RAPGEF4: variants seen among roughly 807,000 people sequenced by gnomAD.
RAPGEF4 encodes RAP guanine-nucleotide-exchange factor (GEF) 4.
A neutral mutation model predicts 147.9 loss-of-function variants in RAPGEF4; 66 were observed. The observed-to-expected ratio is 0.45, with a 90% CI of 0.37 to 0.55. RAPGEF4 has a LOEUF of 0.55. Among genes scored for constraint, RAPGEF4 ranks in the 20% least tolerant of loss-of-function variants. The probability of loss-of-function intolerance (pLI) is 0.00; values close to 1 mark genes in which losing one functional copy is unlikely to be tolerated. For missense variants in RAPGEF4, 1,071 were observed against 1,257.3 expected (o/e 0.85, Z 2.24); for synonymous variants, 419 against 442.7 (o/e 0.95, Z 0.67).
intron 1 of RAPGEF4, chr2:172,736,338 C>A: frequency 3.7e-6 from 1 of 270,156 alleles, no homozygotes; most frequent in Non-Finnish European, 6.9e-6. Flanking sequence ...ACTCCAGGCT[C>A]CGCTCCTGGG....
chr2:172,877,164 C>T (rs1382860848), intron 4 of RAPGEF4, among the ~76,000 whole-genome samples: 1 of 152,126 alleles, frequency 6.6e-6, no homozygotes, highest in African/African-American at 2.4e-5. Flanking sequence ...CATATATACA[C>T]CATGGAATAC....
At chr2:172,974,414 T>TG (rs1353852646) in intron 10 of RAPGEF4, among the ~76,000 whole-genome samples, 2 of 152,210 alleles carry the variant, frequency 1.3e-5, no homozygotes, top group Non-Finnish European at 2.9e-5. Context: ...CTGGGTGTGG[T>TG]GGTTCATACC....
intron 6 of RAPGEF4, among the ~76,000 whole-genome samples, chr2:172,950,056 A>G (rs1307752182): frequency 6.6e-6 from 1 of 152,198 alleles, no homozygotes; most frequent in African/African-American, 2.4e-5. Context: ...TTTGTTCTCT[A>G]TACTTAGGTT....
chr2:172,965,846 T>C (rs573001066), intron 9 of RAPGEF4, among the ~76,000 whole-genome samples, 163 bp downstream of exon 9: 4 of 152,344 alleles, frequency 2.6e-5, no homozygotes, highest in Non-Finnish European at 5.9e-5. Context: ...AGCAAGTAGA[T>C]GCTATTGATT....
intron 1 of RAPGEF4, among the ~76,000 whole-genome samples, chr2:172,740,064 T>C (rs1694172638): frequency 6.6e-6 from 1 of 152,248 alleles, no homozygotes; most frequent in Admixed American, 6.5e-5. Context: ...TTACATATTG[T>C]CTACAGCTGC....
chr2:172,816,789 G>T lies in RAPGEF4; in HGVS notation c.444+2364G>T, dbSNP rs1688557327. Among the ~76,000 whole-genome samples the T allele has an allele frequency of 2.0e-5, 3 of 152,196 alleles. No individual in the cohort carries two copies. In the South Asian group the frequency reaches 6.2e-4, roughly 32 times the overall value. On this transcript the variant is annotated intron_variant, in intron 4 of 30. Coordinates refer to ENST00000397081, the MANE Select transcript of RAPGEF4 (RefSeq NM_007023.4). The stretch of plus-strand genomic sequence containing the variant: ...GAGCCATTTGGAATTGACAGGAGTG[G>T]ATAGTTTTTAGTCTGACCTCTTTTA...
intron 8 of RAPGEF4, 151 bp downstream of exon 8, chr2:172,961,379 C>T (rs1225653172): frequency 3.3e-6 from 2 of 600,670 alleles, no homozygotes; most frequent in African/African-American, 3.7e-5. Flanking sequence ...TACATCTCAG[C>T]TTAACTGCAG....
At chr2:172,899,112 G>A (rs1698810237) in intron 4 of RAPGEF4, among the ~76,000 whole-genome samples, 1 of 152,158 alleles carries the variant, frequency 6.6e-6, no homozygotes, top group African/African-American at 2.4e-5. Context: ...TACAAATACT[G>A]AAAAACACAC....
chr2:173,035,436 G>A (rs572899673), intron 27 of RAPGEF4, among the ~76,000 whole-genome samples: 1 of 151,640 alleles, frequency 6.6e-6, no homozygotes, highest in African/African-American at 2.4e-5. Flanking sequence ...GCGTGAACTC[G>A]GGAGGCAGAG....
At chr2:172,958,381 C>A (rs1354829460) in intron 6 of RAPGEF4, among the ~76,000 whole-genome samples, 2 of 152,212 alleles carry the variant, frequency 1.3e-5, no homozygotes, top group Non-Finnish European at 2.9e-5. Context: ...GAACTCACAA[C>A]TTAGAAATAT....
intron 23 of RAPGEF4, among the ~76,000 whole-genome samples, chr2:173,025,531 C>T (rs1696578088): frequency 6.6e-6 from 1 of 152,220 alleles, no homozygotes; most frequent in South Asian, 2.1e-4. Flanking sequence ...CAACCTCTGC[C>T]TCCTGGGTTT....
chr2:173,007,969 C>G (rs575450377), intron 17 of RAPGEF4, among the ~76,000 whole-genome samples: 1 of 152,324 alleles, frequency 6.6e-6, no homozygotes, highest in South Asian at 2.1e-4. Context: ...TACGGTCTGG[C>G]TCTATGTCCC....
chr2:173,017,173 G>C lies in RAPGEF4; in HGVS notation c.1899-1G>C. ...TAATGTGCTTTCTCTACTTCTCGTA[G>C]CTCAGAAGATGCAAAGGCACCACAA... is the stretch of plus-strand genomic sequence containing the variant. On this transcript the variant is annotated splice_acceptor_variant, in intron 19 of 30. Coordinates refer to ENST00000397081, the MANE Select transcript of RAPGEF4 (RefSeq NM_007023.4). LOFTEE classifies it high-confidence loss of function. The C allele has an allele frequency of 6.2e-7, 1 of 1,613,208 alleles. No individual in the cohort carries two copies. Among genetic ancestry groups the C allele is most frequent in the Non-Finnish European group, 8.5e-7 (1 of 1,179,174 alleles).
chr2:172,987,016 GA>G, intron 12 of RAPGEF4, among the ~76,000 whole-genome samples: 1 of 152,060 alleles, frequency 6.6e-6, no homozygotes. Context: ...ATTTTCTAAA[GA>G]ATTAAATTAT....
intron 17 of RAPGEF4, among the ~76,000 whole-genome samples, chr2:173,002,439 A>T (rs956478567): frequency 6.6e-6 from 1 of 152,164 alleles, no homozygotes; most frequent in Non-Finnish European, 1.5e-5. Context: ...ATTCTCAGAA[A>T]ATGGGAGTGG....
intron 1 of RAPGEF4, among the ~76,000 whole-genome samples, chr2:172,777,980 T>G (rs1015272878): frequency 1.3e-5 from 2 of 152,142 alleles, no homozygotes; most frequent in Non-Finnish European, 2.9e-5. Flanking sequence ...TATAGTGATA[T>G]AATATAATTT....
chr2:173,027,284 G>A (rs1559196310), intron 25 of RAPGEF4, 25 bp downstream of exon 25: 4 of 1,505,494 alleles, frequency 2.7e-6, no homozygotes, highest in Admixed American at 2.3e-5. Flanking sequence ...CTTGGAAAGA[G>A]AAAAAAAAAT....
chr2:172,942,658 A>G (rs921575364), intron 6 of RAPGEF4, among the ~76,000 whole-genome samples: 2 of 152,092 alleles, frequency 1.3e-5, no homozygotes, highest in African/African-American at 4.8e-5. Flanking sequence ...GCTCTGTCAC[A>G]GCATGGTCCA....
intron 4 of RAPGEF4, among the ~76,000 whole-genome samples, chr2:172,828,551 C>T (rs1010221325): frequency 2.0e-5 from 3 of 152,154 alleles, no homozygotes; most frequent in Non-Finnish European, 4.4e-5. Context: ...TGCTTGCTCT[C>T]TTGGTGCAGA....
Sources: allele counts gnomAD v4.1 joint callset (sites outside exome capture counted in the v4.1 genomes callset), GRCh38; gene constraint gnomAD v4.1.1; transcripts MANE v1.5; gene names NCBI Gene and HGNC (gene_info 2026-07-23, HGNC 2026-07-21).